The following DLG2 variants were observed in gnomAD, a reference collection of about 807,000 sequenced individuals.
DLG2 encodes the protein disks large homolog 2.
A neutral mutation model predicts 132.5 loss-of-function variants in DLG2; 45 were observed. The ratio of observed to expected loss-of-function variants is 0.34; its 90% CI spans 0.27 to 0.44. DLG2 has a LOEUF of 0.44. Among genes scored for constraint, DLG2 ranks in the 20% least tolerant of loss-of-function variants. DLG2 has a pLI of 1.00. For synonymous variants in DLG2, 424 were observed against 419.6 expected, an observed-to-expected ratio of 1.01 and a Z score of -0.13; for missense variants, 1,045 against 1,196.9, an observed-to-expected ratio of 0.87 and a Z score of 1.87.
Position 84,002,152 on chromosome 11 carries a change from A to T in DLG2, c.920-21510T>A, listed in dbSNP as rs553077822. Among the ~76,000 whole-genome samples, 4 of 152,330 alleles carry T rather than the reference A, an allele frequency of 2.6e-5. No homozygotes were observed. In the South Asian group the frequency reaches 8.3e-4, roughly 32 times the overall value. On this transcript the variant is annotated intron_variant, in intron 11 of 27. Coordinates refer to ENST00000376104, the MANE Select transcript of DLG2 (RefSeq NM_001142699.3). ...TTGGTTCTTCAGAAAGAGAAAATTG[A>T]TAAACTACCACCTAAAATAGCAAAG...
rs58139003 is a variant in DLG2 at position 85,122,970 on chromosome 11, T to TATA, written c.283-11236_283-11235insTAT. On this transcript the variant is annotated intron_variant, in intron 5 of 27. Coordinates refer to ENST00000376104, the MANE Select transcript of DLG2 (RefSeq NM_001142699.3). ...TATATTATATATATATATATATATATTTTTTTTTTTTTTTTTTTTTTTTTT... is the reference window on the plus strand; with the variant it reads ...TATATTATATATATATATATATATATATATTTTTTTTTTTTTTTTTTTTTTTTT... 8.5e-4 allele frequency among the ~76,000 whole-genome samples: 60 copies of TATA among 70,178 alleles called. 1 individual carries two copies. Among genetic ancestry groups the TATA allele is most frequent in the African/African-American group, 2.4e-3 (41 of 16,770 alleles). 46.0% of individuals were successfully genotyped at this position (70,178 alleles called of 152,430 possible).
intron 9 of DLG2, among the ~76,000 whole-genome samples, chr11:84,110,241 G>A (rs1385322375): frequency 6.6e-6 from 1 of 152,106 alleles, no homozygotes; most frequent in Non-Finnish European, 1.5e-5. Context: ...CAGAAGTGCG[G>A]GTTGAGAACG....
chr11:84,089,734 T>A (rs1029577275), intron 10 of DLG2, among the ~76,000 whole-genome samples: 4 of 151,672 alleles, frequency 2.6e-5, no homozygotes, highest in Non-Finnish European at 5.9e-5. Context: ...AGAAAACTTC[T>A]TTTTTTTTAT....
At chr11:85,370,896 C>T (rs1360715785) in intron 3 of DLG2, among the ~76,000 whole-genome samples, 1 of 152,076 alleles carries the variant, frequency 6.6e-6, no homozygotes, top group Non-Finnish European at 1.5e-5. Context: ...AATATATGTT[C>T]CAGAATTGTA....
intron 7 of DLG2, among the ~76,000 whole-genome samples, chr11:84,494,060 A>T (rs1200664569): frequency 6.6e-6 from 1 of 152,200 alleles, no homozygotes; most frequent in Non-Finnish European, 1.5e-5. Context: ...CACATAAAAG[A>T]CAGAGAAGAC....
At chr11:85,229,872 AG>A (rs2075198191) in intron 4 of DLG2, among the ~76,000 whole-genome samples, 2 of 152,148 alleles carry the variant, frequency 1.3e-5, no homozygotes, top group African/African-American at 4.8e-5. Flanking sequence ...CAGCATTCTC[AG>A]CAAACTACAC....
intron 14 of DLG2, among the ~76,000 whole-genome samples, chr11:83,960,437 G>C (rs1351205334): frequency 9.2e-5 from 14 of 152,004 alleles, no homozygotes. Flanking sequence ...CTAACAAAAA[G>C]TTGCCAATTT....
At position 85,208,906 on chromosome 11, in the gene DLG2, T is replaced by A. The variant is rs149995351; in HGVS notation, c.187-54255A>T. ...TGAGAAGGAGTCCTTCATTTGTTCT[T>A]GTCCTCAATGAAAAAGGCTTATGTA... On this transcript the variant is annotated intron_variant, in intron 4 of 27. Transcript: ENST00000376104. Among the ~76,000 whole-genome samples the A allele has an allele frequency of 1.7e-3, 255 of 152,146 alleles. 6 individuals carry two copies. In the East Asian group the frequency reaches 0.044, roughly 26 times the overall value.
In DLG2 at chr11:83,753,826, T is replaced by TGGC. The variant is rs1566831209; in HGVS notation, c.1825+32863_1825+32864insGCC. 3.3e-3 allele frequency among the ~76,000 whole-genome samples: 288 copies of TGGC among 86,276 alleles called. 16 individuals are homozygous for TGGC. The South Asian group carries it at 0.037, about 11-fold the overall frequency. 56.6% of individuals were successfully genotyped at this position (86,276 alleles called of 152,430 possible). ...TCATATATATCATATATATATTTCA[T>TGGC]ATATATATGATATATATCATATATA... On this transcript the variant is annotated intron_variant, in intron 18 of 27. Coordinates refer to ENST00000376104, the MANE Select transcript of DLG2 (RefSeq NM_001142699.3).
intron 3 of DLG2, among the ~76,000 whole-genome samples, chr11:85,438,900 T>C (rs1347722340): frequency 6.6e-6 from 1 of 152,230 alleles, no homozygotes; most frequent in Non-Finnish European, 1.5e-5. Context: ...TCTAAAATTT[T>C]GTCATTTCAA....
chr11:84,255,811 G>A (rs1261683778), intron 7 of DLG2, among the ~76,000 whole-genome samples: 2 of 151,822 alleles, frequency 1.3e-5, no homozygotes, highest in African/African-American at 4.8e-5. Context: ...TATACATCTA[G>A]GCAAGATTTT....
intron 4 of DLG2, among the ~76,000 whole-genome samples, chr11:85,190,630 GA>G (rs2080452093): frequency 6.6e-6 from 1 of 151,948 alleles, no homozygotes; most frequent in Non-Finnish European, 1.5e-5. Flanking sequence ...GATTAATAAA[GA>G]AAAAGAGAAG....
intron 6 of DLG2, among the ~76,000 whole-genome samples, chr11:84,744,380 A>T (rs1284438002): frequency 2.0e-5 from 3 of 152,166 alleles, no homozygotes; most frequent in Admixed American, 6.5e-5. Context: ...CATCATCTTG[A>T]ATGTTTTTTC....
intron 5 of DLG2, among the ~76,000 whole-genome samples, chr11:85,145,148 A>G (rs1272152953): frequency 6.6e-6 from 1 of 151,856 alleles, no homozygotes. Flanking sequence ...TAAATATGTC[A>G]TGCACCTCTA....
chr11:83,955,185 T>C (rs1276015864), intron 14 of DLG2, among the ~76,000 whole-genome samples: 1 of 152,170 alleles, frequency 6.6e-6, no homozygotes, highest in Non-Finnish European at 1.5e-5. Context: ...ACCTATGATG[T>C]AGAAAGTATT....
chr11:85,213,407 T>G (rs1227982789), intron 4 of DLG2, among the ~76,000 whole-genome samples: 1 of 148,622 alleles, frequency 6.7e-6, no homozygotes, highest in African/African-American at 2.5e-5. Flanking sequence ...TGAGTGGGGG[T>G]GGGGGTGGAA....
intron 6 of DLG2, chr11:84,545,521 C>A (rs190125605): frequency 1.6e-4 from 64 of 395,164 alleles, no homozygotes; most frequent in Non-Finnish European, 2.6e-4. Context: ...CTCAATGAAG[C>A]ACTAGCCTTC....
intron 17 of DLG2, among the ~76,000 whole-genome samples, chr11:83,795,893 T>G (rs2042706968): frequency 6.6e-6 from 1 of 152,228 alleles, no homozygotes. Flanking sequence ...CATGTTGACC[T>G]TTTAAAATTT....
At chr11:85,438,015 T>C (rs1291845773) in intron 3 of DLG2, among the ~76,000 whole-genome samples, 2 of 152,298 alleles carry the variant, frequency 1.3e-5, no homozygotes, top group African/African-American at 4.8e-5. Flanking sequence ...GCTGTACAAG[T>C]AGCATGGCAT....
Sources: gnomAD v4.1 joint callset for allele counts (sites outside exome capture counted in the v4.1 genomes callset) on GRCh38, gnomAD v4.1.1 for gene constraint, MANE v1.5 for transcripts, NCBI Gene and HGNC (gene_info 2026-07-23, HGNC 2026-07-21) for gene names.